The following FSTL4 variants were observed in gnomAD, a reference collection of about 807,000 sequenced individuals.
FSTL4 encodes the protein follistatin-related protein 4.
A neutral mutation model predicts 78.2 loss-of-function variants in FSTL4; 28 were observed. That is an observed-to-expected ratio of 0.36 (90% CI 0.27 to 0.49). The LOEUF (loss-of-function observed/expected upper bound fraction) is 0.49. Among genes scored for constraint, FSTL4 ranks in the 20% least tolerant of loss-of-function variants. The probability of loss-of-function intolerance (pLI) is 0.98; values close to 1 mark genes in which losing one functional copy is unlikely to be tolerated. For missense variants in FSTL4, 922 were observed against 1,084.9 expected (o/e 0.85, Z 2.11); for synonymous variants, 422 against 440.5 (o/e 0.96, Z 0.53).
At chr5:133,374,351 T>A (rs997808631) in intron 4 of FSTL4, among the ~76,000 whole-genome samples, 1 of 152,106 alleles carries the variant, frequency 6.6e-6, no homozygotes. Context: ...CACACAGGGG[T>A]TCTGGGCCCA....
chr5:133,279,030 C>T (rs1215424365), intron 6 of FSTL4, among the ~76,000 whole-genome samples: 1 of 152,232 alleles, frequency 6.6e-6, no homozygotes, highest in Non-Finnish European at 1.5e-5. Context: ...CAGGCTTATA[C>T]TGTGTGGTTG....
intron 2 of FSTL4, among the ~76,000 whole-genome samples, chr5:133,602,677 T>G (rs564622599): frequency 2.0e-5 from 3 of 152,302 alleles, no homozygotes; most frequent in African/African-American, 7.2e-5. Context: ...AAAAGAGCAT[T>G]AAATTGCGTC....
At chr5:133,217,711 C>CT (rs1273953673) in intron 12 of FSTL4, among the ~76,000 whole-genome samples, 2 of 152,172 alleles carry the variant, frequency 1.3e-5, no homozygotes, top group Non-Finnish European at 2.9e-5. Flanking sequence ...GCCTATACTC[C>CT]TTCTCCACTT....
chr5:133,611,340 G>C lies in FSTL4; in HGVS notation c.-11+985C>G, dbSNP rs1235778497. Among the ~76,000 whole-genome samples, 1 of 152,188 alleles carries C rather than the reference G, an allele frequency of 6.6e-6. No homozygotes were observed. Among genetic ancestry groups the C allele is most frequent in the Non-Finnish European group, 1.5e-5 (1 of 68,026 alleles). ...GCTTTCCGCTCCCGCAAGAGTTGCG[G>C]GCACAAAGTCCTCAGGTGGCAGGCC... On this transcript the variant is annotated intron_variant, in intron 1 of 15. Coordinates refer to ENST00000265342, the MANE Select transcript of FSTL4 (RefSeq NM_015082.2). This position sits in a 1 kb window ranked among gnomAD's most constrained non-coding sequence, Gnocchi z 4.9.
chr5:133,558,625 G>A (rs905373449), intron 3 of FSTL4, among the ~76,000 whole-genome samples: 1 of 151,748 alleles, frequency 6.6e-6, no homozygotes, highest in Admixed American at 6.6e-5. Flanking sequence ...TTGTGAAAAG[G>A]TTTTTGTTTT....
At chr5:133,458,796 T>C (rs1168299155) in intron 3 of FSTL4, among the ~76,000 whole-genome samples, 3 of 152,190 alleles carry the variant, frequency 2.0e-5, no homozygotes, top group African/African-American at 4.8e-5. Flanking sequence ...GAGGGAAGGA[T>C]TGAGTGCTGT....
intron 3 of FSTL4, among the ~76,000 whole-genome samples, chr5:133,514,385 C>T (rs1417877990): frequency 1.3e-5 from 2 of 151,980 alleles, no homozygotes; most frequent in South Asian, 2.1e-4. Flanking sequence ...GTGGAAAATG[C>T]ATTTGCATAA....
the FSTL4 span, among the ~76,000 whole-genome samples, chr5:133,733,088 C>T: frequency 3.3e-5 from 5 of 152,212 alleles, no homozygotes; most frequent in African/African-American, 4.8e-5. Flanking sequence ...AAATAAATGG[C>T]ACTTATCCTC....
At chr5:133,627,154 T>C in the FSTL4 span, among the ~76,000 whole-genome samples, 4 of 109,814 alleles carry the variant, frequency 3.6e-5, no homozygotes, top group South Asian at 3.2e-4. Flanking sequence ...TGTGTCTCTT[T>C]TTTTTTTTTT....
the FSTL4 span, among the ~76,000 whole-genome samples, chr5:133,675,952 G>C: frequency 6.6e-6 from 1 of 152,162 alleles, no homozygotes; most frequent in Non-Finnish European, 1.5e-5. Flanking sequence ...TGGGACCAAT[G>C]GGAATGCTCC....
chr5:133,604,947 C>T (rs571240616), intron 1 of FSTL4, among the ~76,000 whole-genome samples: 6 of 152,260 alleles, frequency 3.9e-5, no homozygotes, highest in Non-Finnish European at 8.8e-5. Context: ...TCCTAAAAGA[C>T]AAGAAGTGAG....
intron 3 of FSTL4, among the ~76,000 whole-genome samples, chr5:133,475,821 CTG>C (rs1441702161): frequency 2.6e-5 from 4 of 152,154 alleles, no homozygotes; most frequent in Non-Finnish European, 5.9e-5. Flanking sequence ...AACAATTTGC[CTG>C]TGAGTGAATC....
chr5:133,740,195 C>T, the FSTL4 span, among the ~76,000 whole-genome samples: 1 of 152,126 alleles, frequency 6.6e-6, no homozygotes, highest in Non-Finnish European at 1.5e-5. Context: ...GAAACATAAG[C>T]TCTTAAGTTC....
At chr5:133,420,265 G>C (rs1212470522) in intron 3 of FSTL4, among the ~76,000 whole-genome samples, 1 of 152,198 alleles carries the variant, frequency 6.6e-6, no homozygotes, top group East Asian at 1.9e-4. Flanking sequence ...GGGTTGACTA[G>C]AAAGATCATT....
At chr5:133,207,165 T>C (rs543831805) in intron 14 of FSTL4, among the ~76,000 whole-genome samples, 11 of 152,190 alleles carry the variant, frequency 7.2e-5, no homozygotes, top group African/African-American at 2.6e-4. Context: ...TAAACCAAAC[T>C]TCTTGTTTAT....
the FSTL4 span, among the ~76,000 whole-genome samples, chr5:133,644,475 A>G: frequency 6.6e-6 from 1 of 152,084 alleles, no homozygotes; most frequent in Non-Finnish European, 1.5e-5. Context: ...TTGGTTCAGC[A>G]TCTTCATTCC....
chr5:133,724,062 C>T, the FSTL4 span, among the ~76,000 whole-genome samples: 13 of 152,326 alleles, frequency 8.5e-5, no homozygotes, highest in African/African-American at 2.6e-4. Context: ...AGGACACACC[C>T]CAGCAGTGGC....
At position 133,608,682 on chromosome 5, in the gene FSTL4, G is replaced by A. The variant is rs528064396; in HGVS notation, c.-11+3643C>T. Among the ~76,000 whole-genome samples the A allele has an allele frequency of 2.6e-5, 4 of 152,318 alleles. No individual in the cohort carries two copies. The South Asian group carries it at 8.3e-4, about 32-fold the overall frequency. ...TGTGAAAACCACAGGATTTTCAGGT[G>A]TTCTAAAATAAGCTAATATCTGTGC... On this transcript the variant is annotated intron_variant, in intron 1 of 15. Transcript: ENST00000265342.
At chr5:133,661,540 A>G in the FSTL4 span, among the ~76,000 whole-genome samples, 1 of 152,266 alleles carries the variant, frequency 6.6e-6, no homozygotes, top group Admixed American at 6.5e-5. Context: ...CATTAGTATT[A>G]GTTTTAATAT....
Sources: gnomAD v4.1 joint callset for allele counts (sites outside exome capture counted in the v4.1 genomes callset) on GRCh38, gnomAD v4.1.1 for gene constraint, Gnocchi (gnomAD v3.1) non-coding constraint, MANE v1.5 for transcripts, NCBI Gene and HGNC (gene_info 2026-07-23, HGNC 2026-07-21) for gene names.